Variants in VWC2L observed in about 807,000 individuals in gnomAD.
VWC2L encodes von Willebrand factor C domain-containing protein 2-like.
Under a neutral mutation model 21.6 loss-of-function variants are expected in VWC2L, and 10 were observed. The ratio of observed to expected loss-of-function variants is 0.46; its 90% CI spans 0.29 to 0.78. The LOEUF (loss-of-function observed/expected upper bound fraction) is 0.78. VWC2L is among the 30% of genes least tolerant of loss of function. The pLI is 0.10. For missense variants in VWC2L, 209 were observed against 277.1 expected (o/e 0.75, Z 1.74); for synonymous variants, 96 against 94.3 (o/e 1.02, Z -0.10).
intron 3 of VWC2L, among the ~76,000 whole-genome samples, chr2:214,458,364 T>A (rs1426711087): frequency 6.6e-6 from 1 of 152,102 alleles, no homozygotes; most frequent in Non-Finnish European, 1.5e-5. Flanking sequence ...TTTGTTTATC[T>A]TTTCAAAAAG....
chr2:214,575,221 G>T (rs569948820), intron 3 of VWC2L, among the ~76,000 whole-genome samples: 1 of 152,074 alleles, frequency 6.6e-6, no homozygotes, highest in African/African-American at 2.4e-5. Flanking sequence ...ACTGGGGAAC[G>T]AGCGAGTTTA....
In VWC2L at chr2:214,486,253, T is replaced by C. The variant is rs146903552; in HGVS notation, c.520+49495T>C. Among the ~76,000 whole-genome samples the C allele has an allele frequency of 7.6e-4, 116 of 152,332 alleles. No homozygotes were observed. In the East Asian group the frequency reaches 0.019, roughly 25 times the overall value. On this transcript the variant is annotated intron_variant, in intron 3 of 3. Coordinates refer to ENST00000312504, the MANE Select transcript of VWC2L (RefSeq NM_001080500.4). Reference sequence around the variant, plus strand: ...AGAAAAGTTAAGTGGCTTAGTTTAATGCATACTGTCAATCAATGGCAAAGC... The same window carrying C: ...AGAAAAGTTAAGTGGCTTAGTTTAACGCATACTGTCAATCAATGGCAAAGC...
chr2:214,422,160 T>G (rs1463239092), intron 2 of VWC2L, among the ~76,000 whole-genome samples: 1 of 152,076 alleles, frequency 6.6e-6, no homozygotes, highest in Non-Finnish European at 1.5e-5. Flanking sequence ...AGTGCTGGGA[T>G]TACAGGCGTG....
At chr2:214,479,423 T>G (rs1688570409) in intron 3 of VWC2L, among the ~76,000 whole-genome samples, 1 of 152,216 alleles carries the variant, frequency 6.6e-6, no homozygotes, top group South Asian at 2.1e-4. Flanking sequence ...TTTTTATCTC[T>G]TTTTGTACCC....
intron 3 of VWC2L, among the ~76,000 whole-genome samples, chr2:214,549,312 G>A (rs931332322): frequency 3.9e-5 from 6 of 152,208 alleles, no homozygotes; most frequent in African/African-American, 1.2e-4. Flanking sequence ...GGCATCCTTA[G>A]GAGGCCATTT....
intron 3 of VWC2L, among the ~76,000 whole-genome samples, chr2:214,541,912 G>GTTT (rs60542340): frequency 0.19 from 28,247 of 148,144 alleles, 3,038 homozygotes; most frequent in East Asian, 0.24. Context: ...ACTGTTTACT[G>GTTT]TTTTTTTTTT....
chr2:214,488,986 G>T (rs757147646), intron 3 of VWC2L, among the ~76,000 whole-genome samples: 1 of 152,068 alleles, frequency 6.6e-6, no homozygotes, highest in Admixed American at 6.6e-5. Flanking sequence ...TTTAACATTG[G>T]GAATCACATT....
chr2:214,480,763 A>G (rs1688590914), intron 3 of VWC2L, among the ~76,000 whole-genome samples: 1 of 142,602 alleles, frequency 7.0e-6, no homozygotes, highest in Non-Finnish European at 1.5e-5. Flanking sequence ...AGTACATCCC[A>G]TTTGTCTACA....
chr2:214,468,883 C>T (rs550372248), intron 3 of VWC2L, among the ~76,000 whole-genome samples: 35 of 152,240 alleles, frequency 2.3e-4, no homozygotes, highest in Admixed American at 1.6e-3. Flanking sequence ...ATATGGAATA[C>T]ACAAACTTTG....
intron 3 of VWC2L, among the ~76,000 whole-genome samples, chr2:214,453,157 A>G (rs888113938): frequency 2.6e-5 from 4 of 152,124 alleles, no homozygotes; most frequent in African/African-American, 9.7e-5. Context: ...GGTCAAAAAA[A>G]TATTTTTCCT....
At chr2:214,498,270 A>C (rs1231373190) in intron 3 of VWC2L, among the ~76,000 whole-genome samples, 1 of 152,170 alleles carries the variant, frequency 6.6e-6, no homozygotes, top group East Asian at 1.9e-4. Context: ...CACTTTCCAC[A>C]ATGGACATAG....
At chr2:214,532,189 G>T (rs1209742313) in intron 3 of VWC2L, among the ~76,000 whole-genome samples, 1 of 152,082 alleles carries the variant, frequency 6.6e-6, no homozygotes, top group East Asian at 1.9e-4. Flanking sequence ...TGCCTACACA[G>T]CACCTAATAC....
chr2:214,513,523 AGAG>A (rs1163632589), intron 3 of VWC2L, among the ~76,000 whole-genome samples: 2 of 152,128 alleles, frequency 1.3e-5, no homozygotes, highest in African/African-American at 2.4e-5. Flanking sequence ...GTAACGTGGC[AGAG>A]AAGATTTTCA....
intron 3 of VWC2L, among the ~76,000 whole-genome samples, chr2:214,507,835 T>A (rs1472519010): frequency 6.6e-6 from 1 of 152,180 alleles, no homozygotes; most frequent in Admixed American, 6.5e-5. Flanking sequence ...TTCTGGGGAA[T>A]GGGTTTCAAG....
intron 2 of VWC2L, among the ~76,000 whole-genome samples, chr2:214,419,612 C>T (rs1239584473): frequency 6.6e-6 from 1 of 152,124 alleles, no homozygotes; most frequent in Non-Finnish European, 1.5e-5. Context: ...GTCCCTAATT[C>T]AGGATTTGGA....
intron 2 of VWC2L, among the ~76,000 whole-genome samples, chr2:214,418,790 G>A (rs1016622661): frequency 1.3e-5 from 2 of 152,090 alleles, no homozygotes; most frequent in African/African-American, 2.4e-5. Context: ...AGCACTGAAA[G>A]TTGAGACAAA....
intron 3 of VWC2L, among the ~76,000 whole-genome samples, chr2:214,442,173 G>A (rs975130978): frequency 6.6e-6 from 1 of 152,104 alleles, no homozygotes; most frequent in African/African-American, 2.4e-5. Context: ...GCCTCCCAAA[G>A]CGCTGGGATT....
intron 3 of VWC2L, chr2:214,536,648 A>C (rs1689535306): frequency 6.6e-6 from 1 of 152,000 alleles, no homozygotes; most frequent in African/African-American, 2.4e-5. Context: ...TTATGTTCTT[A>C]TTATCATATA....
At chr2:214,506,758 C>A (rs1372842949) in intron 3 of VWC2L, among the ~76,000 whole-genome samples, 1 of 151,944 alleles carries the variant, frequency 6.6e-6, no homozygotes, top group East Asian at 1.9e-4. Flanking sequence ...GTATTGATCA[C>A]TCATTTAGTT....
Sources: allele counts gnomAD v4.1 joint callset (sites outside exome capture counted in the v4.1 genomes callset), GRCh38; gene constraint gnomAD v4.1.1; transcripts MANE v1.5; gene names NCBI Gene and HGNC (gene_info 2026-07-23, HGNC 2026-07-21).